Variants in SLC15A5 observed in about 807,000 individuals in gnomAD.
The protein encoded by SLC15A5 is Peptide/histidine transporter ENSP00000340402.
SLC15A5 carries 58 observed loss-of-function variants against 56.1 expected under a neutral mutation model. The observed-to-expected ratio is 1.03, with a 90% confidence interval of 0.84 to 1.29. SLC15A5 has a LOEUF of 1.29. Ranked by LOEUF, SLC15A5 falls within the 50% of genes most tolerant of loss-of-function variation. The pLI is 0.00. For synonymous variants in SLC15A5, 264 were observed against 250.5 expected (o/e 1.05, Z -0.51); for missense variants, 681 against 672.1 (o/e 1.01, Z -0.15).
chr12:16,228,550 T>G (rs1864265706), intron 5 of SLC15A5, among the ~76,000 whole-genome samples: 1 of 152,204 alleles, frequency 6.6e-6, no homozygotes. Context: ...CAAAATACAC[T>G]TGACCCTTGA....
rs574171697 is a variant in SLC15A5, at chr12:16,227,131, A to C, written c.1163-2529T>G. 9.0e-4 allele frequency among the ~76,000 whole-genome samples: 137 copies of C among 152,310 alleles called. 1 individual carries two copies. Among genetic ancestry groups the C allele is most frequent in the African/African-American group, 3.2e-3 (134 of 41,584 alleles). On this transcript the variant is annotated intron_variant, in intron 5 of 8. Coordinates refer to ENST00000344941, the MANE Select transcript of SLC15A5 (RefSeq NM_001170798.1). Reference sequence around the variant, plus strand: ...AAAGGAGGAAACCTCAATAAACCTCAGTTTAAAAATTTGAGGAATTTTTAA... The same window carrying C: ...AAAGGAGGAAACCTCAATAAACCTCCGTTTAAAAATTTGAGGAATTTTTAA...
chr12:16,216,021 TC>T (rs1400611576), intron 7 of SLC15A5, among the ~76,000 whole-genome samples: 5 of 152,190 alleles, frequency 3.3e-5, no homozygotes, highest in Non-Finnish European at 7.4e-5. Flanking sequence ...TTGATTTTTT[TC>T]CATAGTTTGA....
At chr12:16,227,391 A>T (rs1413202215) in intron 5 of SLC15A5, among the ~76,000 whole-genome samples, 3 of 152,194 alleles carry the variant, frequency 2.0e-5, no homozygotes, top group African/African-American at 7.2e-5. Context: ...TATATGCAAG[A>T]TAGTATGCTC....
intron 1 of SLC15A5, among the ~76,000 whole-genome samples, chr12:16,274,985 C>T (rs1269481252): frequency 6.6e-6 from 1 of 152,020 alleles, no homozygotes; most frequent in Non-Finnish European, 1.5e-5. Context: ...CATCAGTATG[C>T]CTGCATTTAG....
intron 5 of SLC15A5, among the ~76,000 whole-genome samples, chr12:16,236,151 C>G (rs1176037952): frequency 6.6e-6 from 1 of 152,152 alleles, no homozygotes; most frequent in Non-Finnish European, 1.5e-5. Context: ...TTGTGTGTGT[C>G]AGCACTAACT....
chr12:16,277,519 G>A lies in SLC15A5; in HGVS notation c.167C>T (p.Thr56Met), dbSNP rs1447148617. Residue 56 changes from threonine (T) to methionine (M), a missense_variant, in exon 1 of 9, where the codon ACG becomes ATG. Thr to Met is a moderately conservative substitution (Grantham distance 81). Coordinates refer to ENST00000344941, the MANE Select transcript of SLC15A5 (RefSeq NM_001170798.1). Reference sequence around the variant, plus strand: ...CATGTTGCAGACGACTTCAAAGAACGTGAACCTCTCACACAGCTCCACCAG... The same window carrying A: ...CATGTTGCAGACGACTTCAAAGAACATGAACCTCTCACACAGCTCCACCAG... ...LLLVELCERF[T>M]FFEVVCNMIP... 4.6e-6 allele frequency: 7 copies of A among 1,536,212 alleles called. No homozygotes were observed. Among genetic ancestry groups the A allele is most frequent in the Middle Eastern group, 1.7e-4 (1 of 6,004 alleles).
chr12:16,266,503 C>G (rs536952946), intron 2 of SLC15A5, among the ~76,000 whole-genome samples: 1 of 152,208 alleles, frequency 6.6e-6, no homozygotes, highest in Admixed American at 6.5e-5. Context: ...ACATGAAGTA[C>G]TAAATGTATT....
chr12:16,220,837 T>A (rs994193970), intron 6 of SLC15A5, among the ~76,000 whole-genome samples: 1 of 152,152 alleles, frequency 6.6e-6, no homozygotes, highest in South Asian at 2.1e-4. Context: ...TTTTAACTGA[T>A]GTGTCTAAAA....
chr12:16,238,646 AAT>A (rs1864377621), intron 5 of SLC15A5, among the ~76,000 whole-genome samples: 1 of 151,564 alleles, frequency 6.6e-6, no homozygotes, highest in African/African-American at 2.4e-5. Flanking sequence ...AAAAAAAAAA[AAT>A]AAGAACAGGT....
intron 5 of SLC15A5, among the ~76,000 whole-genome samples, chr12:16,239,390 G>A (rs1362560631): frequency 6.6e-6 from 1 of 152,118 alleles, no homozygotes; most frequent in Non-Finnish European, 1.5e-5. Context: ...TAAGGGGTAA[G>A]GACTGCCTGA....
intron 8 of SLC15A5, among the ~76,000 whole-genome samples, chr12:16,191,307 G>A (rs1408804476): frequency 6.6e-6 from 1 of 152,002 alleles, no homozygotes; most frequent in East Asian, 1.9e-4. Context: ...AGACTAATAT[G>A]AACTTGGCTG....
chr12:16,220,043 A>C (rs1864170512), intron 6 of SLC15A5, among the ~76,000 whole-genome samples: 1 of 152,226 alleles, frequency 6.6e-6, no homozygotes, highest in South Asian at 2.1e-4. Flanking sequence ...TATTGCTGGA[A>C]ATATTTTTTA....
intron 3 of SLC15A5, among the ~76,000 whole-genome samples, chr12:16,254,255 C>T (rs1168433818): frequency 2.6e-5 from 4 of 151,916 alleles, no homozygotes; most frequent in African/African-American, 9.7e-5. Context: ...TGATTCCACT[C>T]ATATGAAGTA....
intron 1 of SLC15A5, among the ~76,000 whole-genome samples, chr12:16,276,687 T>C (rs1864824333): frequency 6.6e-6 from 1 of 152,116 alleles, no homozygotes; most frequent in Non-Finnish European, 1.5e-5. Flanking sequence ...AGTTGCTCTC[T>C]ATTTCTTATT....
intron 5 of SLC15A5, among the ~76,000 whole-genome samples, chr12:16,226,828 A>G (rs1035816634): frequency 7.2e-5 from 11 of 152,178 alleles, no homozygotes; most frequent in African/African-American, 2.7e-4. Flanking sequence ...TTTAGCATTC[A>G]TATTACTGGA....
chr12:16,213,900 G>GAATATTATCAATA (rs1864106696), intron 7 of SLC15A5, among the ~76,000 whole-genome samples: 1 of 152,036 alleles, frequency 6.6e-6, no homozygotes, highest in South Asian at 2.1e-4. Context: ...ACTGTATCTA[G>GAATATTATCAATA]AATATTATCA....
rs1440981386 is a variant in SLC15A5 at position 16,272,706 on chromosome 12, G to A, written c.439C>T (p.Pro147Ser). 3 of 1,537,224 alleles carry A rather than the reference G, an allele frequency of 2.0e-6. No individual in the cohort carries two copies. The highest frequency in any genetic ancestry group is 2.6e-6 in the Non-Finnish European group (3 of 1,146,782). ...LGTYHAVNNI[P>S]KTEQHRLFYV... ...AACAGCCTGTGCTGCTCTGTTTTTG[G>A]TATGTTGTTAACTGCATGGTAAGTG... Residue 147 changes from proline (P) to serine (S), a missense_variant, in exon 2 of 9, where the codon CCA becomes TCA. By Grantham distance (74) the Pro-to-Ser change is moderately conservative (BLOSUM62 -1). Coordinates refer to ENST00000344941, the MANE Select transcript of SLC15A5 (RefSeq NM_001170798.1).
At chr12:16,197,419 T>C (rs1208596376) in intron 7 of SLC15A5, among the ~76,000 whole-genome samples, 3 of 110,966 alleles carry the variant, frequency 2.7e-5, no homozygotes, top group African/African-American at 1.1e-4. Flanking sequence ...CAGAATTGGG[T>C]ATAAAAAGAT....
chr12:16,264,028 A>G (rs1360689571), intron 2 of SLC15A5, among the ~76,000 whole-genome samples: 1 of 152,178 alleles, frequency 6.6e-6, no homozygotes, highest in African/African-American at 2.4e-5. Flanking sequence ...GGCATTGCCT[A>G]CTGGAGCTGT....
Sources: gnomAD v4.1 joint callset for allele counts (sites outside exome capture counted in the v4.1 genomes callset) on GRCh38, gnomAD v4.1.1 for gene constraint, MANE v1.5 for transcripts, NCBI Gene and HGNC (gene_info 2026-07-23, HGNC 2026-07-21) for gene names.